The following KRT23 variants were observed in gnomAD, a reference collection of about 807,000 sequenced individuals.
KRT23 encodes keratin 23.
KRT23 carries 38 observed loss-of-function variants against 47.6 expected under a neutral mutation model. The observed-to-expected ratio is 0.80, with a 90% CI of 0.62 to 1.05. The LOEUF (loss-of-function observed/expected upper bound fraction) is 1.05, where lower values mean the gene tolerates loss of function less well. Among genes scored for constraint, KRT23 ranks in the 50% least tolerant of loss-of-function variants. The pLI, the probability that KRT23 is intolerant of heterozygous loss-of-function variation, is 0.00. For missense variants in KRT23, 503 were observed against 529.5 expected, an observed-to-expected ratio of 0.95 and a Z score of 0.49; for synonymous variants, 191 against 199.0, an observed-to-expected ratio of 0.96 and a Z score of 0.34.
rs1910102161 is a variant in KRT23 at position 40,936,657 on chromosome 17, C to G, written c.-54G>C. 6.8e-7 allele frequency: 1 copy of G among 1,462,986 alleles called. No individual in the cohort carries two copies. The highest frequency in any genetic ancestry group is 1.6e-5 in the South Asian group (1 of 62,572). The allele number at this position is 1,462,986 out of a possible 1,614,324, so 90.6% of individuals were successfully genotyped here. ...AGCTCTGCTCCACTCCCTGGCACCG[C>G]AGAACTGAGCCGCCCCAGACTGCCC... On this transcript the variant is annotated 5_prime_UTR_variant, in exon 2 of 9. Coordinates refer to ENST00000209718, the MANE Select transcript of KRT23 (RefSeq NM_015515.5).
Position 40,936,507 on chromosome 17 carries a change from T to C in KRT23, c.97A>G (p.Thr33Ala). 1 of 1,533,488 alleles carries C rather than the reference T, an allele frequency of 6.5e-7. No individual in the cohort carries two copies. The highest frequency in any genetic ancestry group is 8.7e-7 in the Non-Finnish European group (1 of 1,142,860). The allele number at this position is 1,533,488 out of a possible 1,614,324, so 95.0% of individuals were successfully genotyped here. A position where few individuals can be genotyped will look rare whatever the true frequency, so the allele number is the denominator to read the frequency against. ...GCTCCCCCCGCACCGCCATGGACGGTGGGAGCCCTGGGGAAGCTCCTGGGC... is the reference window on the plus strand; with the variant it reads ...GCTCCCCCCGCACCGCCATGGACGGCGGGAGCCCTGGGGAAGCTCCTGGGC... Reference protein sequence around the residue: ...GRPRSFPRAPTVHGGAGGARI... With the variant: ...GRPRSFPRAPAVHGGAGGARI... The change falls in exon 2 of 9, where the codon ACC (threonine) becomes GCC (alanine). Residue 33 changes from threonine to alanine, a missense_variant. Transcript: ENST00000209718.
intron 8 of KRT23, among the ~76,000 whole-genome samples, chr17:40,924,053 G>A (rs1312679758): frequency 6.6e-6 from 1 of 152,196 alleles, no homozygotes; most frequent in Admixed American, 6.5e-5. Flanking sequence ...TCCAAGAAGA[G>A]GATCATGGCA....
intron 6 of KRT23, among the ~76,000 whole-genome samples, chr17:40,927,927 C>T (rs527296239): frequency 2.5e-4 from 38 of 152,038 alleles, no homozygotes; most frequent in Non-Finnish European, 5.3e-4. Context: ...TGACCTTGGC[C>T]AATTTATTTT....
rs539886026 is a variant in KRT23, at chr17:40,930,183, T to G, written c.480-87A>C. On this transcript the variant is annotated intron_variant, in intron 3 of 8. Coordinates refer to ENST00000209718, the MANE Select transcript of KRT23 (RefSeq NM_015515.5). ...TTCATTTTCATTTAGAGGTGAATCT[T>G]TTACTTTTTAGGTTTAAAGAGAGCA... 67 of 1,302,722 alleles carry G rather than the reference T, an allele frequency of 5.1e-5. No homozygotes were observed. The African/African-American group carries it at 9.4e-4, about 18-fold the overall frequency. The allele number at this position is 1,302,722 out of a possible 1,614,324, so 80.7% of individuals were successfully genotyped here.
chr17:40,925,695 A>G, intron 6 of KRT23, 121 bp from the exon 7 acceptor site: 3 of 718,326 alleles, frequency 4.2e-6, no homozygotes, highest in African/African-American at 3.5e-5. Flanking sequence ...GCTGCTGAGG[A>G]CACCAAGATG....
chr17:40,922,756 G>T lies in KRT23; in HGVS notation c.*233C>A. 2.5e-6 allele frequency: 1 copy of T among 393,232 alleles called. No individual in the cohort carries two copies. Among genetic ancestry groups the T allele is most frequent in the South Asian group, 4.2e-5 (1 of 23,932 alleles). The allele number at this position is 393,232 out of a possible 1,614,324, so 24.4% of individuals were successfully genotyped here. On this transcript the variant is annotated 3_prime_UTR_variant, in exon 9 of 9. Transcript: ENST00000209718. Reference sequence around the variant, plus strand: ...GATGCAAAATGATGAGAATCTGAAGGCTGCAGTAGGAAAGTAGAGCTTTAC... The same window carrying T: ...GATGCAAAATGATGAGAATCTGAAGTCTGCAGTAGGAAAGTAGAGCTTTAC...
At chr17:40,928,711 A>T in intron 4 of KRT23, 104 bp from the exon 5 acceptor site, 1 of 1,060,950 alleles carries the variant, frequency 9.4e-7, no homozygotes, top group South Asian at 1.6e-5. Context: ...CATTCCGATT[A>T]TGTGGTTGCT....
chr17:40,930,126 T>C (rs201157783), intron 3 of KRT23, 30 bp from the exon 4 acceptor site: 51 of 1,594,894 alleles, frequency 3.2e-5, no homozygotes, highest in Non-Finnish European at 4.4e-5. Context: ...AAGAGTGCAC[T>C]CATTGTTGGA....
At chr17:40,935,814 G>A (rs1273961377) in intron 2 of KRT23, among the ~76,000 whole-genome samples, 1 of 152,212 alleles carries the variant, frequency 6.6e-6, no homozygotes, top group African/African-American at 2.4e-5. Flanking sequence ...GGTGCACTGA[G>A]CATGCAGCAT....
chr17:40,923,147 T>C (rs1253589648), intron 8 of KRT23, 64 bp from the exon 9 acceptor site: 1 of 1,274,966 alleles, frequency 7.8e-7, no homozygotes, highest in African/African-American at 1.5e-5. Flanking sequence ...CTGTACTCAT[T>C]TTCATTTCTC....
intron 6 of KRT23, among the ~76,000 whole-genome samples, chr17:40,927,315 C>T (rs1305735632): frequency 1.3e-5 from 2 of 152,216 alleles, no homozygotes; most frequent in Admixed American, 1.3e-4. Flanking sequence ...AATGGGTATA[C>T]ATGCCTCGCC....
In KRT23 at chr17:40,931,368, C is replaced by G. The variant is rs956874740; in HGVS notation, c.479+5G>C. On this transcript the variant is annotated splice_donor_5th_base_variant and intron_variant, in intron 3 of 8. Transcript: ENST00000209718. Reference sequence around the variant, plus strand: ...CCCGAACAACCCTGTGAAGAAGGAACTTACTTGAGGTTGAAGTCATCCACT... The same window carrying G: ...CCCGAACAACCCTGTGAAGAAGGAAGTTACTTGAGGTTGAAGTCATCCACT... The G allele has an allele frequency of 4.4e-6, 7 of 1,603,394 alleles. No homozygotes were observed. Among genetic ancestry groups the G allele is most frequent in the Non-Finnish European group, 6.0e-6 (7 of 1,170,316 alleles).
rs373501029 is a variant in KRT23 at position 40,936,333 on chromosome 17, G to T, written c.271C>A (p.Arg91Ser). 1.2e-6 allele frequency: 2 copies of T among 1,614,218 alleles called. No homozygotes were observed. Among genetic ancestry groups the T allele is most frequent in the South Asian group, 2.2e-5 (2 of 91,090 alleles). The change falls in exon 2 of 9, where the codon CGC becomes AGC. Residue 91 changes from arginine to serine, a missense_variant. By Grantham distance (110) the Arg-to-Ser change is moderately radical. Transcript: ENST00000209718. ...TTCATGTTGGCCTCCTCCAGGGCGCGAACCTTCTCCAGGTAGGAGGCCAGG... is the reference window on the plus strand; with the variant it reads ...TTCATGTTGGCCTCCTCCAGGGCGCTAACCTTCTCCAGGTAGGAGGCCAGG... ...DRLASYLEKV[R>S]ALEEANMKLE...
rs1050785353 is a variant in KRT23, at chr17:40,922,746, G to T, written c.*243C>A. ...CTACAAAATAGATGCAAAATGATGA[G>T]AATCTGAAGGCTGCAGTAGGAAAGT... On this transcript the variant is annotated 3_prime_UTR_variant, in exon 9 of 9. Transcript: ENST00000209718. 1.1e-5 allele frequency: 4 copies of T among 377,178 alleles called. No individual in the cohort carries two copies. Among genetic ancestry groups the T allele is most frequent in the African/African-American group, 8.4e-5 (4 of 47,374 alleles). 23.4% of individuals were successfully genotyped at this position (377,178 alleles called of 1,614,324 possible).
Position 40,924,470 on chromosome 17 carries a change from AC to A in KRT23, c.1174+1del. The A allele has an allele frequency of 6.2e-7, 1 of 1,612,264 alleles. No homozygotes were observed. The highest frequency in any genetic ancestry group is 8.5e-7 in the Non-Finnish European group (1 of 1,178,452). On this transcript the variant is annotated splice_donor_variant, in intron 8 of 8. Transcript: ENST00000209718. ...ATTCAAACAATGAAGGAAATTTTTT[AC>A]CTTTCATGCTCGACTTTGATTCTTC...
Position 40,931,414 on chromosome 17 carries a change from G to A in KRT23, c.438C>T (p.Leu146=), listed in dbSNP as rs1172483605. 1 of 1,613,752 alleles carries A rather than the reference G, an allele frequency of 6.2e-7. No individual in the cohort carries two copies. ...CCACTGCCATCCTGGCATTGTCAAT[G>A]AGAAGAATAATCTGAGCATTGGTCA... is the stretch of plus-strand genomic sequence containing the variant. ...GKMTNAQIIL[L]IDNARMAVDD... The change falls in exon 3 of 9, where the codon CTC becomes CTT. Residue 146 remains leucine, a synonymous_variant. Transcript: ENST00000209718.
chr17:40,937,607 A>G lies in KRT23; in HGVS notation c.-612T>C, dbSNP rs956691336. On this transcript the variant is annotated 5_prime_UTR_variant, in exon 1 of 9. Coordinates refer to ENST00000209718, the MANE Select transcript of KRT23 (RefSeq NM_015515.5). Reference sequence around the variant, plus strand: ...GCCAAGGTAAAGGTTAGGAATGAATAAAGAAGCAGTCTGGGGGCGGGAGCC... The same window carrying G: ...GCCAAGGTAAAGGTTAGGAATGAATGAAGAAGCAGTCTGGGGGCGGGAGCC... 1 of 152,290 alleles carries G rather than the reference A, an allele frequency of 6.6e-6. No individual in the cohort carries two copies. Among genetic ancestry groups the G allele is most frequent in the African/African-American group, 2.4e-5 (1 of 41,470 alleles). 9.4% of individuals were successfully genotyped at this position (152,290 alleles called of 1,614,324 possible). A position where few individuals can be genotyped will look rare whatever the true frequency, so the allele number is the denominator to read the frequency against.
chr17:40,935,264 T>C (rs1909982247), intron 2 of KRT23, among the ~76,000 whole-genome samples: 2 of 152,156 alleles, frequency 1.3e-5, no homozygotes, highest in South Asian at 2.1e-4. Flanking sequence ...CAAGGATGAC[T>C]GAGCATTGTG....
chr17:40,930,964 CT>C (rs143500642), intron 3 of KRT23, among the ~76,000 whole-genome samples: 18,223 of 149,204 alleles, frequency 0.12, 1,251 homozygotes, highest in East Asian at 0.2. Flanking sequence ...GTTGCTATGC[CT>C]TTTCATTATA....
Sources: gnomAD v4.1 joint callset for allele counts (sites outside exome capture counted in the v4.1 genomes callset) on GRCh38, gnomAD v4.1.1 for gene constraint, MANE v1.5 for transcripts, NCBI Gene and HGNC (gene_info 2026-07-23, HGNC 2026-07-21) for gene names.